RORB: variants seen among roughly 807,000 people sequenced by gnomAD.
RORB encodes RAR related orphan receptor B, also known as nuclear receptor ROR-beta.
In RORB, 6 loss-of-function variants were observed where a neutral mutation model predicts 59.1. That is an observed-to-expected ratio of 0.10 (90% CI 0.06 to 0.20). The LOEUF is 0.20. RORB is among the 10% of genes least tolerant of loss of function. The pLI, the probability that RORB is intolerant of heterozygous loss-of-function variation, is 1.00. For missense variants in RORB, 320 were observed against 560.5 expected (o/e 0.57, Z 4.33); for synonymous variants, 215 against 204.5 (o/e 1.05, Z -0.44).
At chr9:74,555,218 C>A (rs756869281) in intron 1 of RORB, among the ~76,000 whole-genome samples, 2 of 152,184 alleles carry the variant, frequency 1.3e-5, no homozygotes, top group Non-Finnish European at 2.9e-5. Context: ...CTGTCACAGA[C>A]GCAGGGCACT....
At chr9:74,665,623 T>TTTTA (rs1487613446) in intron 7 of RORB, 28 bp downstream of exon 7, 1 of 1,366,336 alleles carries the variant, frequency 7.3e-7, no homozygotes, top group Admixed American at 1.7e-5. Context: ...GAGGACACAA[T>TTTTA]TTTATTAGCC....
At chr9:74,640,011 C>T (rs1425877104) in intron 3 of RORB, among the ~76,000 whole-genome samples, 1 of 152,102 alleles carries the variant, frequency 6.6e-6, no homozygotes, top group Non-Finnish European at 1.5e-5. Flanking sequence ...CTATGAGAAT[C>T]AGAATCTAAT....
chr9:74,552,702 T>G (rs963176986), intron 1 of RORB, among the ~76,000 whole-genome samples: 48 of 152,170 alleles, frequency 3.2e-4, no homozygotes, highest in African/African-American at 1.1e-3. Flanking sequence ...ACTAATATAT[T>G]GAGCACATAT....
At chr9:74,558,783 C>T (rs531766147) in intron 1 of RORB, among the ~76,000 whole-genome samples, 2 of 152,144 alleles carry the variant, frequency 1.3e-5, no homozygotes, top group Non-Finnish European at 2.9e-5. Flanking sequence ...TGAGAATCTG[C>T]AAGCCCCGCT....
rs562779283 is a variant in RORB at position 74,515,981 on chromosome 9, G to A, written c.7+17998G>A. On this transcript the variant is annotated intron_variant, in intron 1 of 9. Coordinates refer to ENST00000376896, the MANE Select transcript of RORB (RefSeq NM_006914.4). ...CACCACCGCAAATGAAAGAAACAAA[G>A]CATAAGAGAGAGAACTAACATTGAC... Among the ~76,000 whole-genome samples, 3 of 152,144 alleles carry A rather than the reference G, an allele frequency of 2.0e-5. No individual in the cohort carries two copies. In the East Asian group the frequency reaches 5.8e-4, roughly 29 times the overall value.
intron 1 of RORB, among the ~76,000 whole-genome samples, chr9:74,565,381 A>C (rs1267673816): frequency 6.6e-6 from 1 of 152,170 alleles, no homozygotes; most frequent in Admixed American, 6.5e-5. Flanking sequence ...GAGAACAATG[A>C]ATCTTTGAGA....
At chr9:74,667,214 C>G (rs1333392463) in intron 7 of RORB, among the ~76,000 whole-genome samples, 1 of 152,180 alleles carries the variant, frequency 6.6e-6, no homozygotes, top group African/African-American at 2.4e-5. Context: ...GTGAGTCATT[C>G]ATTAGAAGGT....
intron 4 of RORB, among the ~76,000 whole-genome samples, chr9:74,654,847 A>G (rs1455463014): frequency 1.3e-5 from 2 of 152,156 alleles, no homozygotes; most frequent in African/African-American, 4.8e-5. Context: ...TTTGGGGGGA[A>G]AAAGTTTTAT....
At chr9:74,608,584 G>T in intron 1 of RORB, among the ~76,000 whole-genome samples, 4 of 132,940 alleles carry the variant, frequency 3.0e-5, no homozygotes, top group Admixed American at 7.6e-5. Context: ...AAAAAAAATT[G>T]CTAGTTCCTT....
At chr9:74,547,933 T>G (rs1305370509) in intron 1 of RORB, among the ~76,000 whole-genome samples, 1 of 152,204 alleles carries the variant, frequency 6.6e-6, no homozygotes, top group African/African-American at 2.4e-5. Flanking sequence ...GAAGACCAAC[T>G]ACCAGGCTAC....
chr9:74,515,243 G>A (rs560476722), intron 1 of RORB, among the ~76,000 whole-genome samples: 2 of 151,672 alleles, frequency 1.3e-5, no homozygotes, highest in South Asian at 4.2e-4. Context: ...GCAAATTTCT[G>A]ATTAAGCAGT....
intron 1 of RORB, among the ~76,000 whole-genome samples, chr9:74,532,872 G>A (rs7470807): frequency 0.56 from 80,637 of 144,268 alleles, 22,551 homozygotes; most frequent in East Asian, 0.83. Flanking sequence ...GTGTGTGTGT[G>A]TATATATATA....
chr9:74,597,293 T>C (rs1226210437), intron 1 of RORB, among the ~76,000 whole-genome samples: 4 of 152,210 alleles, frequency 2.6e-5, no homozygotes, highest in African/African-American at 9.6e-5. Flanking sequence ...TTTGTTGAGT[T>C]TCTCCTTTAA....
At chr9:74,504,857 T>A (rs1169380534) in intron 1 of RORB, among the ~76,000 whole-genome samples, 1 of 152,062 alleles carries the variant, frequency 6.6e-6, no homozygotes, top group Non-Finnish European at 1.5e-5. Context: ...AATAAATAAT[T>A]GCAATAAATT....
intron 1 of RORB, among the ~76,000 whole-genome samples, chr9:74,606,079 GA>G (rs1823144102): frequency 6.6e-6 from 1 of 152,180 alleles, no homozygotes; most frequent in African/African-American, 2.4e-5. Flanking sequence ...CCAGTTACTT[GA>G]GAGTACTAAC....
intron 8 of RORB, among the ~76,000 whole-genome samples, 200 bp downstream of exon 8, chr9:74,668,101 A>C (rs888491028): frequency 3.9e-5 from 6 of 152,222 alleles, no homozygotes; most frequent in Non-Finnish European, 8.8e-5. Flanking sequence ...GCCCGAAAGC[A>C]AGAGTAGAGC....
At chr9:74,560,390 C>T (rs1167605405) in intron 1 of RORB, among the ~76,000 whole-genome samples, 1 of 152,166 alleles carries the variant, frequency 6.6e-6, no homozygotes, top group East Asian at 1.9e-4. Context: ...TGTAAGAACA[C>T]ATCCACATAA....
intron 1 of RORB, among the ~76,000 whole-genome samples, chr9:74,617,985 G>A (rs1823340694): frequency 6.6e-6 from 1 of 152,060 alleles, no homozygotes; most frequent in Admixed American, 6.6e-5. Context: ...CTGAAGCAAT[G>A]GAGGCTAAAT....
intron 1 of RORB, among the ~76,000 whole-genome samples, chr9:74,580,615 CT>C (rs999256189): frequency 1.6e-4 from 24 of 152,028 alleles, no homozygotes; most frequent in Non-Finnish European, 2.5e-4. Context: ...TAGGAATATA[CT>C]TTTTTTCTGA....
Sources: gnomAD v4.1 joint callset for allele counts (sites outside exome capture counted in the v4.1 genomes callset) on GRCh38, gnomAD v4.1.1 for gene constraint, MANE v1.5 for transcripts, NCBI Gene and HGNC (gene_info 2026-07-23, HGNC 2026-07-21) for gene names.